Variants in PLD1 observed in about 807,000 individuals in gnomAD.
The protein encoded by PLD1 is phospholipase D1, also known as choline phosphatase 1.
In PLD1, 112 loss-of-function variants were observed where a neutral mutation model predicts 137.1. That is an observed-to-expected ratio of 0.82 (90% confidence interval 0.70 to 0.96). PLD1 has a LOEUF of 0.96. Among genes scored for constraint, PLD1 ranks in the 40% least tolerant of loss-of-function variants. The probability of loss-of-function intolerance (pLI) is 0.00; values close to 1 mark genes in which losing one functional copy is unlikely to be tolerated. For synonymous variants in PLD1, 431 were observed against 454.7 expected (o/e 0.95, Z 0.66); for missense variants, 1,321 against 1,342.0 (o/e 0.98, Z 0.24).
At chr3:171,674,649 G>A in intron 18 of PLD1, 36 bp from the exon 19 acceptor site, 1 of 1,176,394 alleles carries the variant, frequency 8.5e-7, no homozygotes, top group Non-Finnish European at 1.3e-6. Context: ...ATTCAAATGA[G>A]AAAAAAGATT....
chr3:171,751,535 TA>T (rs1003993540), intron 1 of PLD1, among the ~76,000 whole-genome samples: 43 of 152,168 alleles, frequency 2.8e-4, no homozygotes, highest in African/African-American at 1.0e-3. Flanking sequence ...AAATTGTCAA[TA>T]AAACTTTAAA....
In PLD1 at chr3:171,733,614, C is replaced by T. The variant is rs759218854; in HGVS notation, c.541-105G>A. 1.7e-4 allele frequency: 91 copies of T among 539,502 alleles called. 1 individual carries two copies. Among genetic ancestry groups the T allele is most frequent in the Non-Finnish European group, 2.8e-4 (86 of 305,878 alleles). 33.4% of individuals were successfully genotyped at this position (539,502 alleles called of 1,614,324 possible). A position where few individuals can be genotyped will look rare whatever the true frequency, so the allele number is the denominator to read the frequency against. ...ATCATCATTTTCATCTTAACTTCTA[C>T]AAGTTATTCAATTATTTATTAATAT... On this transcript the variant is annotated intron_variant, in intron 5 of 26. Transcript: ENST00000351298.
intron 6 of PLD1, among the ~76,000 whole-genome samples, chr3:171,726,510 G>A (rs1394758659): frequency 6.6e-6 from 1 of 152,136 alleles, no homozygotes; most frequent in Non-Finnish European, 1.5e-5. Flanking sequence ...GTGTGAAATG[G>A]GAGATGAATG....
intron 1 of PLD1, among the ~76,000 whole-genome samples, chr3:171,745,103 G>T (rs914861071): frequency 1.3e-5 from 2 of 152,170 alleles, no homozygotes; most frequent in Non-Finnish European, 2.9e-5. Context: ...ATATCCTAGA[G>T]TTAAATATTT....
chr3:171,726,555 A>T (rs1405692270), intron 6 of PLD1, among the ~76,000 whole-genome samples: 10 of 152,170 alleles, frequency 6.6e-5, no homozygotes, highest in Non-Finnish European at 1.5e-4. Flanking sequence ...AGGTTATAGG[A>T]TGTACAGTTG....
intron 1 of PLD1, among the ~76,000 whole-genome samples, chr3:171,808,087 G>A (rs1327201544): frequency 6.6e-6 from 1 of 152,168 alleles, no homozygotes; most frequent in Non-Finnish European, 1.5e-5. Flanking sequence ...TGGGAGGGAG[G>A]AAGGAGAGCA....
rs565053474 is a variant in PLD1, at chr3:171,724,796, A to G, written c.666-8T>C. ...TTCATTATCATACCTTCTCTGAAAG[A>G]GACAGAAAATTAACCCATCACCTTC... On this transcript the variant is annotated splice_polypyrimidine_tract_variant and splice_region_variant and intron_variant, in intron 7 of 26. Transcript: ENST00000351298. The G allele has an allele frequency of 2.5e-6, 4 of 1,573,088 alleles. No individual in the cohort carries two copies. Among genetic ancestry groups the G allele is most frequent in the South Asian group, 2.2e-5 (2 of 90,326 alleles).
intron 21 of PLD1, among the ~76,000 whole-genome samples, chr3:171,651,366 T>C (rs1736756343): frequency 1.3e-5 from 2 of 152,016 alleles, no homozygotes; most frequent in African/African-American, 4.8e-5. Context: ...AATTTTATAC[T>C]ATGGTGGTAT....
chr3:171,689,004 A>G (rs1200362983), intron 13 of PLD1, 128 bp from the exon 14 acceptor site: 16 of 649,344 alleles, frequency 2.5e-5, no homozygotes, highest in Non-Finnish European at 4.0e-5. Context: ...CAACGTATAC[A>G]CCAAAGAAAA....
intron 1 of PLD1, among the ~76,000 whole-genome samples, chr3:171,808,871 C>T (rs887546954): frequency 2.3e-5 from 3 of 130,562 alleles, no homozygotes; most frequent in Non-Finnish European, 3.1e-5. Flanking sequence ...GTCGCCCAGG[C>T]TGGCGTGCAA....
chr3:171,751,409 G>A (rs540847490), intron 1 of PLD1, among the ~76,000 whole-genome samples: 1 of 152,038 alleles, frequency 6.6e-6, no homozygotes, highest in South Asian at 2.1e-4. Context: ...CACCAGATTG[G>A]GAGAAGACAT....
In PLD1 at chr3:171,617,316, T is replaced by C. The variant is rs116687937; in HGVS notation, c.2728+3070A>G. Among the ~76,000 whole-genome samples, 796 of 152,340 alleles carry C rather than the reference T, an allele frequency of 5.2e-3. 3 individuals are homozygous for C. The highest frequency in any genetic ancestry group is 0.017 in the African/African-American group (704 of 41,572). On this transcript the variant is annotated intron_variant, in intron 24 of 26. Transcript: ENST00000351298. Reference sequence around the variant, plus strand: ...ACAGTGAAGCCTGCTCTTTAAATCCTGAGACTCATGAGCTCGACTTAGTTT... The same window carrying C: ...ACAGTGAAGCCTGCTCTTTAAATCCCGAGACTCATGAGCTCGACTTAGTTT...
chr3:171,752,393 T>C (rs1720727976), intron 1 of PLD1, among the ~76,000 whole-genome samples: 1 of 152,240 alleles, frequency 6.6e-6, no homozygotes, highest in Non-Finnish European at 1.5e-5. Context: ...GTGGTCTCTA[T>C]CATACAAATC....
At chr3:171,737,423 C>A in intron 3 of PLD1, 109 bp downstream of exon 3, 4 of 1,012,512 alleles carry the variant, frequency 4.0e-6, no homozygotes, top group South Asian at 4.9e-5. Context: ...AACAAACAAA[C>A]AAAAACCTAC....
At chr3:171,720,696 A>G (rs1718068490) in intron 8 of PLD1, among the ~76,000 whole-genome samples, 1 of 152,222 alleles carries the variant, frequency 6.6e-6, no homozygotes, top group Admixed American at 6.5e-5. Flanking sequence ...ATATTTATTA[A>G]TATGGAACCA....
At chr3:171,773,041 T>C (rs1722448915) in intron 1 of PLD1, among the ~76,000 whole-genome samples, 1 of 152,198 alleles carries the variant, frequency 6.6e-6, no homozygotes, top group South Asian at 2.1e-4. Context: ...CTCAGCTAGA[T>C]AAACTACTGG....
intron 8 of PLD1, among the ~76,000 whole-genome samples, chr3:171,723,106 T>A (rs1367159432): frequency 6.6e-6 from 1 of 152,224 alleles, no homozygotes; most frequent in Non-Finnish European, 1.5e-5. Context: ...TTATCCTATT[T>A]GTTTGTATCC....
intron 6 of PLD1, 53 bp from the exon 7 acceptor site, chr3:171,726,129 G>A: frequency 8.0e-7 from 1 of 1,242,616 alleles, no homozygotes. Flanking sequence ...TCAAATTTAT[G>A]CATTAAAAAA....
At chr3:171,712,916 T>TAC (rs146093792) in intron 9 of PLD1, among the ~76,000 whole-genome samples, 6 of 152,110 alleles carry the variant, frequency 3.9e-5, no homozygotes, top group South Asian at 2.1e-4. Context: ...CATCTTTTTA[T>TAC]ACACACACAC....
Sources: allele counts gnomAD v4.1 joint callset (sites outside exome capture counted in the v4.1 genomes callset), GRCh38; gene constraint gnomAD v4.1.1; transcripts MANE v1.5; gene names NCBI Gene and HGNC (gene_info 2026-07-23, HGNC 2026-07-21).